OSBPL10: variants seen among roughly 807,000 people sequenced by gnomAD.
The protein encoded by OSBPL10 is oxysterol-binding protein-related protein 10.
In OSBPL10, 49 loss-of-function variants were observed where a neutral mutation model predicts 81.7. The ratio of observed to expected loss-of-function variants is 0.60; its 90% CI spans 0.48 to 0.76. OSBPL10 has a LOEUF of 0.76. OSBPL10 is among the 30% of genes least tolerant of loss of function. The pLI is 0.00. For missense variants in OSBPL10, 923 were observed against 987.8 expected, an observed-to-expected ratio of 0.93 and a Z score of 0.88; for synonymous variants, 419 against 383.6, an observed-to-expected ratio of 1.09 and a Z score of -1.08.
intron 1 of OSBPL10, among the ~76,000 whole-genome samples, chr3:31,891,486 G>A (rs953727149): frequency 2.6e-5 from 4 of 152,116 alleles, no homozygotes; most frequent in South Asian, 2.1e-4. Flanking sequence ...TGGCTAATTC[G>A]CTCTTGCAGT....
At chr3:31,834,256 A>G (rs889215074) in intron 3 of OSBPL10, among the ~76,000 whole-genome samples, 2 of 152,246 alleles carry the variant, frequency 1.3e-5, no homozygotes, top group African/African-American at 4.8e-5. Flanking sequence ...GAGAAACAAC[A>G]TGGCAGGTTT....
At chr3:31,919,137 C>T (rs1207494065) in intron 1 of OSBPL10, among the ~76,000 whole-genome samples, 1 of 152,160 alleles carries the variant, frequency 6.6e-6, no homozygotes, top group Non-Finnish European at 1.5e-5. Flanking sequence ...TCGCCTCTTT[C>T]ATGGACTGTG....
chr3:31,939,003 C>T (rs1387286651), intron 1 of OSBPL10, among the ~76,000 whole-genome samples: 3 of 152,138 alleles, frequency 2.0e-5, no homozygotes, highest in Non-Finnish European at 4.4e-5. Flanking sequence ...TGTCCTTCCT[C>T]CTGCTTCAGA....
intron 2 of OSBPL10, among the ~76,000 whole-genome samples, chr3:32,028,927 GACAC>G (rs58442955): frequency 0.023 from 2,466 of 105,254 alleles, 39 homozygotes; most frequent in African/African-American, 0.045. Context: ...AGCTAGTCAG[GACAC>G]ACACACACAC....
intron 3 of OSBPL10, among the ~76,000 whole-genome samples, chr3:31,849,579 G>A (rs915014958): frequency 2.6e-5 from 4 of 151,744 alleles, no homozygotes; most frequent in African/African-American, 9.7e-5. Context: ...TAGGCTCAAG[G>A]GTCTACTATA....
chr3:31,680,922 G>A (rs1381481311), intron 8 of OSBPL10, among the ~76,000 whole-genome samples: 2 of 152,164 alleles, frequency 1.3e-5, no homozygotes, highest in Middle Eastern at 3.2e-3. Context: ...CATGAATTGG[G>A]ATTTTTCTAA....
At chr3:31,934,304 CA>C (rs370210933) in intron 1 of OSBPL10, among the ~76,000 whole-genome samples, 2 of 139,602 alleles carry the variant, frequency 1.4e-5, no homozygotes, top group African/African-American at 2.7e-5. Context: ...ACAACAACAA[CA>C]AAAAAAAAGG....
intron 4 of OSBPL10, among the ~76,000 whole-genome samples, chr3:31,815,989 T>C (rs13066975): frequency 0.43 from 65,809 of 152,118 alleles, 15,463 homozygotes; most frequent in East Asian, 0.7. Context: ...AGCTTCCTTC[T>C]GCCTGCAAAG....
chr3:31,854,062 G>A (rs575035758), intron 3 of OSBPL10, among the ~76,000 whole-genome samples: 1 of 151,590 alleles, frequency 6.6e-6, no homozygotes, highest in Non-Finnish European at 1.5e-5. Flanking sequence ...GCATAACAAT[G>A]TTCATCTATC....
intron 4 of OSBPL10, among the ~76,000 whole-genome samples, chr3:31,807,032 A>T (rs1179972435): frequency 1.3e-5 from 2 of 152,196 alleles, no homozygotes; most frequent in Non-Finnish European, 2.9e-5. Flanking sequence ...TATAGGTACA[A>T]TGGGAATCCA....
At chr3:32,054,759 C>A (rs1699695182) in intron 1 of OSBPL10, among the ~76,000 whole-genome samples, 2 of 151,956 alleles carry the variant, frequency 1.3e-5, no homozygotes, top group Non-Finnish European at 2.9e-5. Flanking sequence ...TCTCAAACTC[C>A]TGACCTCATG....
chr3:32,007,527 G>A (rs576867973), intron 2 of OSBPL10, among the ~76,000 whole-genome samples: 3 of 152,042 alleles, frequency 2.0e-5, no homozygotes, highest in Non-Finnish European at 4.4e-5. Context: ...CCAGCTCCTG[G>A]TGACTGCCCA....
chr3:32,022,651 G>A (rs968311855), intron 2 of OSBPL10, among the ~76,000 whole-genome samples: 5 of 152,080 alleles, frequency 3.3e-5, no homozygotes, highest in African/African-American at 1.2e-4. Flanking sequence ...TAGGCATGGT[G>A]GCTGGCACCT....
rs1239682537 is a variant in OSBPL10 at position 31,981,096 on chromosome 3, G to T, written c.84C>A (p.Gly28=). Reference sequence around the variant, plus strand: ...CCGCCAGAGAGCAGGAGGGCGAGGAGCCCGCCGAGGTAGCACGGCTGCTGC... The same window carrying T: ...CCGCCAGAGAGCAGGAGGGCGAGGATCCCGCCGAGGTAGCACGGCTGCTGC... The part of the protein sequence containing the change: ...SRSSSRATSA[G]SSPSCSLAGR... The change falls in exon 1 of 12, where the codon GGC becomes GGA. Residue 28 remains glycine, a synonymous_variant. Coordinates refer to ENST00000396556, the MANE Select transcript of OSBPL10 (RefSeq NM_017784.5). The surrounding 1 kb of genome is among the most constrained non-coding windows in gnomAD (Gnocchi z 4.5). 1.3e-6 allele frequency: 2 copies of T among 1,492,632 alleles called. No homozygotes were observed. Among genetic ancestry groups the T allele is most frequent in the Non-Finnish European group, 1.8e-6 (2 of 1,125,984 alleles). 92.5% of individuals were successfully genotyped at this position (1,492,632 alleles called of 1,614,324 possible).
intron 2 of OSBPL10, among the ~76,000 whole-genome samples, chr3:31,992,877 CCT>C (rs1205148627): frequency 6.6e-6 from 1 of 152,144 alleles, no homozygotes; most frequent in African/African-American, 2.4e-5. Flanking sequence ...ATGGCACATG[CCT>C]GTAGTCCTAG....
chr3:31,951,966 G>C (rs1029470999), intron 1 of OSBPL10, among the ~76,000 whole-genome samples: 1 of 152,152 alleles, frequency 6.6e-6, no homozygotes, highest in Admixed American at 6.5e-5. Context: ...AACTCCATTA[G>C]TGTGCAACTC....
intron 4 of OSBPL10, among the ~76,000 whole-genome samples, chr3:31,751,398 A>G (rs1191825485): frequency 1.3e-5 from 2 of 151,828 alleles, no homozygotes; most frequent in African/African-American, 2.4e-5. Flanking sequence ...ATAAAATAAA[A>G]TAAAATAAAA....
intron 2 of OSBPL10, among the ~76,000 whole-genome samples, chr3:32,001,001 A>G (rs1699139855): frequency 6.6e-6 from 1 of 152,196 alleles, no homozygotes; most frequent in African/African-American, 2.4e-5. Context: ...GTTAGCAGCC[A>G]TGTTCCTGGC....
chr3:31,684,195 C>T, intron 7 of OSBPL10, 81 bp from the exon 8 acceptor site: 1 of 1,545,880 alleles, frequency 6.5e-7, no homozygotes, highest in Non-Finnish European at 8.7e-7. Context: ...GCTGCAACCA[C>T]TGTTAAGCAA....
Sources: gnomAD v4.1 joint callset for allele counts (sites outside exome capture counted in the v4.1 genomes callset) on GRCh38, gnomAD v4.1.1 for gene constraint, Gnocchi (gnomAD v3.1) non-coding constraint, MANE v1.5 for transcripts, NCBI Gene and HGNC (gene_info 2026-07-23, HGNC 2026-07-21) for gene names.